Variants in PPP2R1B observed in about 807,000 individuals in gnomAD.
PPP2R1B encodes serine/threonine-protein phosphatase 2A 65 kDa regulatory subunit A beta isoform.
A neutral mutation model predicts 72.7 loss-of-function variants in PPP2R1B; 58 were observed. The observed-to-expected ratio is 0.80, with a 90% CI of 0.65 to 0.99. The LOEUF is 0.99. PPP2R1B is among the 50% of genes least tolerant of loss of function. The pLI is 0.00. For synonymous variants in PPP2R1B, 256 were observed against 264.6 expected, an observed-to-expected ratio of 0.97 and a Z score of 0.32; for missense variants, 695 against 733.6, an observed-to-expected ratio of 0.95 and a Z score of 0.61.
the PPP2R1B span, among the ~76,000 whole-genome samples, chr11:111,689,764 A>T: frequency 2.0e-5 from 3 of 152,106 alleles, no homozygotes; most frequent in Admixed American, 6.6e-5. Flanking sequence ...CATTGAACTG[A>T]TTTGTTTCTG....
At chr11:111,760,573 CA>C (rs1945286728) in intron 4 of PPP2R1B, among the ~76,000 whole-genome samples, 1 of 151,786 alleles carries the variant, frequency 6.6e-6, no homozygotes, top group African/African-American at 2.4e-5. Context: ...CACTTAAGCA[CA>C]AGAGTTCAAG....
intron 13 of PPP2R1B, 186 bp downstream of exon 13, chr11:111,742,337 T>G: frequency 1.3e-6 from 1 of 781,676 alleles, no homozygotes. Flanking sequence ...TCTACACATT[T>G]ACAGAGCTTA....
intron 12 of PPP2R1B, 152 bp downstream of exon 12, chr11:111,743,224 A>G: frequency 2.3e-6 from 2 of 860,148 alleles, no homozygotes; most frequent in Non-Finnish European, 3.4e-6. Context: ...GAATTTTAAA[A>G]TTGACATTTT....
chr11:111,745,582 C>T (rs1264400421), intron 11 of PPP2R1B, among the ~76,000 whole-genome samples: 1 of 152,130 alleles, frequency 6.6e-6, no homozygotes, highest in Non-Finnish European at 1.5e-5. Context: ...TTTCTTTTGT[C>T]TATTTCTGTC....
At chr11:111,720,377 G>A in the PPP2R1B span, 1 of 1,201,430 alleles carries the variant, frequency 8.3e-7, no homozygotes, top group Non-Finnish European at 1.2e-6. Flanking sequence ...GGAAATTAAG[G>A]ACATGGTAGC....
Position 111,748,781 on chromosome 11 carries a change from T to C in PPP2R1B, c.1339-767A>G, listed in dbSNP as rs138712523. Reference sequence around the variant, plus strand: ...CTAAGAAGTTCCTGACTGGTGATTCTATATTTTAAAAAAAGAGAGGTAATA... The same window carrying C: ...CTAAGAAGTTCCTGACTGGTGATTCCATATTTTAAAAAAAGAGAGGTAATA... On this transcript the variant is annotated intron_variant, in intron 10 of 14. Transcript: ENST00000527614. Among the ~76,000 whole-genome samples, 110 of 152,308 alleles carry C rather than the reference T, an allele frequency of 7.2e-4. 4 individuals are homozygous for C. In the East Asian group the frequency reaches 0.018, roughly 25 times the overall value.
At chr11:111,757,835 C>CA (rs1334506925) in intron 5 of PPP2R1B, among the ~76,000 whole-genome samples, 5,818 of 102,940 alleles carry the variant, frequency 0.057, 393 homozygotes, top group African/African-American at 0.17. Flanking sequence ...AACTCCATCT[C>CA]AAAAAAAAAA....
chr11:111,744,621 G>A (rs1462972342), intron 11 of PPP2R1B, among the ~76,000 whole-genome samples: 1 of 152,092 alleles, frequency 6.6e-6, no homozygotes, highest in Non-Finnish European at 1.5e-5. Flanking sequence ...AATCGAGGGT[G>A]GTAGGTACTA....
chr11:111,754,861 A>G, intron 7 of PPP2R1B, 119 bp downstream of exon 7: 1 of 952,178 alleles, frequency 1.1e-6, no homozygotes, highest in South Asian at 1.8e-5. Flanking sequence ...TCCACACACT[A>G]AAAACATCCC....
chr11:111,762,823 G>A (rs1945376601), intron 3 of PPP2R1B, among the ~76,000 whole-genome samples: 1 of 152,074 alleles, frequency 6.6e-6, no homozygotes, highest in African/African-American at 2.4e-5. Context: ...ACAGGTGTGA[G>A]CCACCACACC....
chr11:111,748,148 C>T (rs1166287747), intron 10 of PPP2R1B, 134 bp from the exon 11 acceptor site: 2 of 674,474 alleles, frequency 3.0e-6, no homozygotes, highest in Admixed American at 3.0e-5. Context: ...GATAGAAACA[C>T]CACAGGAATT....
At chr11:111,761,986 T>C (rs1363505077) in intron 3 of PPP2R1B, among the ~76,000 whole-genome samples, 2 of 150,696 alleles carry the variant, frequency 1.3e-5, no homozygotes, top group South Asian at 2.1e-4. Context: ...AGTACAGAGA[T>C]GGTAGGACAC....
the PPP2R1B span, among the ~76,000 whole-genome samples, chr11:111,689,304 G>C: frequency 6.6e-6 from 1 of 151,922 alleles, no homozygotes; most frequent in Non-Finnish European, 1.5e-5. Context: ...CATGGGTAGG[G>C]GTAAAGTGGA....
the PPP2R1B span, chr11:111,703,265 C>G: frequency 1.9e-6 from 3 of 1,614,128 alleles, no homozygotes; most frequent in East Asian, 6.7e-5. Context: ...AACCATAGCC[C>G]AAATCAAGGA....
intron 11 of PPP2R1B, among the ~76,000 whole-genome samples, chr11:111,746,178 A>C (rs1944696342): frequency 6.6e-6 from 1 of 152,216 alleles, no homozygotes; most frequent in South Asian, 2.1e-4. Flanking sequence ...TCTTAATCTA[A>C]AATGCCAACT....
chr11:111,753,806 A>G (rs797042099), intron 8 of PPP2R1B, among the ~76,000 whole-genome samples: 12 of 151,908 alleles, frequency 7.9e-5, no homozygotes, highest in African/African-American at 2.9e-4. Flanking sequence ...TTTTGCAGAG[A>G]CAGGTTCTTA....
At chr11:111,764,765 A>C (rs782685052) in intron 3 of PPP2R1B, 40 bp downstream of exon 3, 10 of 1,596,512 alleles carry the variant, frequency 6.3e-6, no homozygotes, top group Non-Finnish European at 7.7e-6. Context: ...TTATACTGCA[A>C]AAGTTGTAGA....
chr11:111,766,015 C>A, intron 1 of PPP2R1B: 1 of 586,666 alleles, frequency 1.7e-6, no homozygotes, highest in East Asian at 3.2e-5. Flanking sequence ...AAGGGCAAGG[C>A]TCCGGGCGGA....
chr11:111,700,865 C>T, the PPP2R1B span: 1 of 1,612,364 alleles, frequency 6.2e-7, no homozygotes, highest in Non-Finnish European at 8.5e-7. Flanking sequence ...ATGAAAATAA[C>T]ATTTATTTCC....
Sources: gnomAD v4.1 joint callset for allele counts (sites outside exome capture counted in the v4.1 genomes callset) on GRCh38, gnomAD v4.1.1 for gene constraint, MANE v1.5 for transcripts, NCBI Gene and HGNC (gene_info 2026-07-23, HGNC 2026-07-21) for gene names.